Variants in DLGAP1 observed in about 807,000 individuals in gnomAD.
DLGAP1 encodes the protein disks large-associated protein 1.
A neutral mutation model predicts 90.8 loss-of-function variants in DLGAP1; 11 were observed. The ratio of observed to expected loss-of-function variants is 0.12; its 90% CI spans 0.08 to 0.20. The LOEUF is 0.20. Ranked by LOEUF, DLGAP1 falls within the 10% of genes least tolerant of loss-of-function variation. DLGAP1 has a pLI of 1.00. For missense variants in DLGAP1, 1,050 were observed against 1,333.8 expected, an observed-to-expected ratio of 0.79 and a Z score of 3.31; for synonymous variants, 558 against 540.7, an observed-to-expected ratio of 1.03 and a Z score of -0.44.
intron 9 of DLGAP1, among the ~76,000 whole-genome samples, chr18:3,536,799 T>C (rs1423400930): frequency 1.3e-5 from 2 of 152,120 alleles, no homozygotes; most frequent in African/African-American, 4.8e-5. Flanking sequence ...GCGCCCTATA[T>C]ATCTCTGGCT....
intron 2 of DLGAP1, among the ~76,000 whole-genome samples, chr18:4,127,391 G>A (rs1485029692): frequency 2.0e-5 from 3 of 152,084 alleles, no homozygotes; most frequent in African/African-American, 4.8e-5. Flanking sequence ...GTAATCATTA[G>A]TCATTTTACT....
intron 4 of DLGAP1, among the ~76,000 whole-genome samples, chr18:3,829,814 A>G (rs998368559): frequency 6.6e-6 from 1 of 152,134 alleles, no homozygotes; most frequent in Admixed American, 6.5e-5. Context: ...TTACTGCAAC[A>G]CCTAGATTAG....
At chr18:3,657,657 C>G (rs567768231) in intron 7 of DLGAP1, among the ~76,000 whole-genome samples, 1 of 146,648 alleles carries the variant, frequency 6.8e-6, no homozygotes, top group Admixed American at 6.9e-5. Flanking sequence ...GGCTGGAGTG[C>G]AGTGGCGCGA....
intron 4 of DLGAP1, among the ~76,000 whole-genome samples, chr18:3,859,138 T>C (rs1314990954): frequency 6.6e-6 from 1 of 152,204 alleles, no homozygotes; most frequent in African/African-American, 2.4e-5. Context: ...TGATTTCAAA[T>C]AGTGATTTGA....
intron 7 of DLGAP1, among the ~76,000 whole-genome samples, chr18:3,644,401 T>TTTTATTTTATTTATTTATTTATTTA (rs2059046820): frequency 6.6e-6 from 1 of 150,682 alleles, no homozygotes; most frequent in African/African-American, 2.5e-5. Flanking sequence ...TACTATTTTA[T>TTTTATTTTATTTATTTATTTATTTA]TTTATTTATT....
At chr18:3,781,266 C>T (rs1449534807) in intron 5 of DLGAP1, among the ~76,000 whole-genome samples, 1 of 151,858 alleles carries the variant, frequency 6.6e-6, no homozygotes, top group African/African-American at 2.4e-5. Context: ...TTATTTTTAG[C>T]AGTTGCACAG....
At chr18:4,063,565 C>T (rs1212881000) in intron 2 of DLGAP1, among the ~76,000 whole-genome samples, 1 of 152,142 alleles carries the variant, frequency 6.6e-6, no homozygotes, top group Non-Finnish European at 1.5e-5. Context: ...TAGAGAATCT[C>T]CATTAATGCA....
intron 1 of DLGAP1, among the ~76,000 whole-genome samples, chr18:4,403,935 T>C (rs971538110): frequency 6.6e-6 from 1 of 152,130 alleles, no homozygotes; most frequent in Non-Finnish European, 1.5e-5. Flanking sequence ...CAGCCCTTTT[T>C]CCCACTTGCT....
At chr18:3,597,454 C>G (rs1599439072) in intron 7 of DLGAP1, 2 of 357,494 alleles carry the variant, frequency 5.6e-6, no homozygotes, top group African/African-American at 4.3e-5. Context: ...ATTCTTGCTT[C>G]AGTAAGTGGG....
intron 1 of DLGAP1, among the ~76,000 whole-genome samples, chr18:4,428,215 T>C (rs2083199946): frequency 6.6e-6 from 1 of 152,294 alleles, no homozygotes; most frequent in South Asian, 2.1e-4. Context: ...CAGTTTCTCC[T>C]GAATGGTTTA....
chr18:3,696,046 T>C (rs572055968), intron 7 of DLGAP1, among the ~76,000 whole-genome samples: 1 of 152,276 alleles, frequency 6.6e-6, no homozygotes, highest in African/African-American at 2.4e-5. Context: ...ATATTGATTT[T>C]GTATCCTGAG....
At chr18:4,258,014 C>T (rs566571969) in intron 1 of DLGAP1, among the ~76,000 whole-genome samples, 9,870 of 97,302 alleles carry the variant, frequency 0.1, 1,055 homozygotes, top group African/African-American at 0.35. Context: ...TGTGTGTGCG[C>T]GCGCGCGCGT....
chr18:3,525,624 C>T (rs183644434), intron 10 of DLGAP1, among the ~76,000 whole-genome samples: 58 of 152,326 alleles, frequency 3.8e-4, no homozygotes, highest in African/African-American at 1.3e-3. Flanking sequence ...TGGTCTCCAA[C>T]TCCTGACCTC....
intron 4 of DLGAP1, among the ~76,000 whole-genome samples, chr18:3,862,902 C>A (rs986403036): frequency 6.6e-6 from 1 of 152,248 alleles, no homozygotes; most frequent in Non-Finnish European, 1.5e-5. Flanking sequence ...GCCTCCCTGC[C>A]CCGCTTTGGG....
intron 3 of DLGAP1, among the ~76,000 whole-genome samples, chr18:4,003,437 G>GTTTTT (rs11457362): frequency 1.5e-5 from 2 of 130,380 alleles, no homozygotes; most frequent in Non-Finnish European, 1.6e-5. Flanking sequence ...TAATATCATT[G>GTTTTT]TTTTTTTTTT....
chr18:4,330,916 A>G (rs1159894914), intron 1 of DLGAP1, among the ~76,000 whole-genome samples: 1 of 151,806 alleles, frequency 6.6e-6, no homozygotes, highest in African/African-American at 2.4e-5. Context: ...TTGTTCTATC[A>G]GTTACTGGGA....
chr18:4,265,628 T>G (rs1215309474), intron 1 of DLGAP1, among the ~76,000 whole-genome samples: 1 of 42,250 alleles, frequency 2.4e-5, no homozygotes, highest in Non-Finnish European at 3.8e-5. Context: ...TCCCTCCCCT[T>G]CCCTCCCTCC....
intron 7 of DLGAP1, among the ~76,000 whole-genome samples, chr18:3,595,537 A>G (rs1220687454): frequency 6.6e-6 from 1 of 152,212 alleles, no homozygotes; most frequent in Non-Finnish European, 1.5e-5. Context: ...TTTGGCTAGT[A>G]TGTGCCTGGA....
intron 3 of DLGAP1, among the ~76,000 whole-genome samples, chr18:3,986,846 C>G (rs1311630726): frequency 1.3e-5 from 2 of 152,082 alleles, no homozygotes; most frequent in African/African-American, 4.8e-5. Context: ...ACTTTTATAC[C>G]AGTTGGTAAT....
Sources: allele counts gnomAD v4.1 joint callset (sites outside exome capture counted in the v4.1 genomes callset), GRCh38; gene constraint gnomAD v4.1.1; transcripts MANE v1.5; gene names NCBI Gene and HGNC (gene_info 2026-07-23, HGNC 2026-07-21).